The following PDE4B variants were observed in gnomAD, a reference collection of about 807,000 sequenced individuals.
PDE4B encodes 3',5'-cyclic-AMP phosphodiesterase 4B.
In PDE4B, 20 loss-of-function variants were observed where a neutral mutation model predicts 82.2. The ratio of observed to expected loss-of-function variants is 0.24; its 90% confidence interval spans 0.17 to 0.35. The LOEUF (loss-of-function observed/expected upper bound fraction) is 0.35, where lower values mean the gene tolerates loss of function less well. PDE4B is among the 10% of genes least tolerant of loss of function. The pLI, the probability that PDE4B is intolerant of heterozygous loss-of-function variation, is 1.00. For synonymous variants in PDE4B, 320 were observed against 318.9 expected (o/e 1.00, Z -0.04); for missense variants, 655 against 907.2 (o/e 0.72, Z 3.57).
chr1:66,283,299 A>G (rs1005942487), intron 7 of PDE4B, among the ~76,000 whole-genome samples: 4 of 151,976 alleles, frequency 2.6e-5, no homozygotes, highest in Non-Finnish European at 5.9e-5. Context: ...AACATTTAAA[A>G]TAGTGCCAAT....
chr1:66,144,325 A>G (rs1346507323), intron 3 of PDE4B, among the ~76,000 whole-genome samples: 1 of 152,242 alleles, frequency 6.6e-6, no homozygotes, highest in Non-Finnish European at 1.5e-5. Context: ...ACAAAAAGGT[A>G]TATGATGAGA....
intron 8 of PDE4B, among the ~76,000 whole-genome samples, chr1:66,338,842 C>T (rs929167259): frequency 5.3e-5 from 8 of 150,880 alleles, no homozygotes; most frequent in Middle Eastern, 3.2e-3. Flanking sequence ...AACGGTGAAA[C>T]CCCGTCTCTA....
intron 3 of PDE4B, among the ~76,000 whole-genome samples, chr1:66,147,770 G>T (rs913246463): frequency 2.0e-5 from 3 of 152,186 alleles, no homozygotes; most frequent in Non-Finnish European, 2.9e-5. Context: ...CTCAGGAAGA[G>T]AAACTAGAGT....
At chr1:66,275,531 T>TA (rs1217069241) in intron 7 of PDE4B, among the ~76,000 whole-genome samples, 4 of 152,026 alleles carry the variant, frequency 2.6e-5, no homozygotes, top group Non-Finnish European at 5.9e-5. Flanking sequence ...GGGAGGGAGA[T>TA]AAAAAAGGAG....
intron 1 of PDE4B, among the ~76,000 whole-genome samples, chr1:65,820,742 A>G (rs774572136): frequency 6.6e-6 from 1 of 152,186 alleles, no homozygotes; most frequent in African/African-American, 2.4e-5. Context: ...TTGACATTTT[A>G]TTTAATAAAT....
intron 3 of PDE4B, among the ~76,000 whole-genome samples, chr1:66,050,933 AG>A (rs1654991838): frequency 6.6e-6 from 1 of 152,172 alleles, no homozygotes; most frequent in Non-Finnish European, 1.5e-5. Context: ...CTACACAGGA[AG>A]GACTGAATTA....
At chr1:66,186,391 T>C (rs991869940) in intron 3 of PDE4B, among the ~76,000 whole-genome samples, 1 of 152,322 alleles carries the variant, frequency 6.6e-6, no homozygotes, top group African/African-American at 2.4e-5. Context: ...GGTAACTTGA[T>C]GGAGATAGCA....
At chr1:65,847,459 G>T (rs1646279747) in intron 1 of PDE4B, among the ~76,000 whole-genome samples, 1 of 152,214 alleles carries the variant, frequency 6.6e-6, no homozygotes, top group Non-Finnish European at 1.5e-5. Flanking sequence ...TGAGCAGATT[G>T]GATGGCTGTG....
chr1:66,058,905 T>C (rs1400338621), intron 3 of PDE4B, among the ~76,000 whole-genome samples: 1 of 152,258 alleles, frequency 6.6e-6, no homozygotes. Context: ...CACAAATTTT[T>C]GTAGCTGGCT....
At chr1:65,795,659 G>A (rs1362888692) in intron 1 of PDE4B, among the ~76,000 whole-genome samples, 2 of 152,188 alleles carry the variant, frequency 1.3e-5, no homozygotes, top group East Asian at 3.8e-4. Flanking sequence ...GATCCATGTG[G>A]GAGTATAAAG....
At chr1:65,985,505 G>A (rs927167053) in intron 3 of PDE4B, among the ~76,000 whole-genome samples, 1 of 151,968 alleles carries the variant, frequency 6.6e-6, no homozygotes, top group Middle Eastern at 3.2e-3. Flanking sequence ...AGAGAAAGAG[G>A]TTTTCCCAAA....
At chr1:65,923,435 T>C (rs1647323688) in intron 3 of PDE4B, among the ~76,000 whole-genome samples, 1 of 152,228 alleles carries the variant, frequency 6.6e-6, no homozygotes. Context: ...TTTTTGTGTA[T>C]TTTAGTTATT....
intron 3 of PDE4B, among the ~76,000 whole-genome samples, chr1:66,055,044 A>T (rs966065885): frequency 1.3e-5 from 2 of 152,192 alleles, no homozygotes; most frequent in African/African-American, 4.8e-5. Context: ...GATTTAGATG[A>T]GCATCAGTAA....
chr1:66,196,806 T>C (rs569014298), intron 3 of PDE4B, among the ~76,000 whole-genome samples: 25 of 52,434 alleles, frequency 4.8e-4, no homozygotes, highest in African/African-American at 2.0e-3. Context: ...CTGGGGACTG[T>C]GGTGGGGTGG....
chr1:66,259,578 T>C (rs1410373314), intron 6 of PDE4B, among the ~76,000 whole-genome samples: 3 of 152,170 alleles, frequency 2.0e-5, no homozygotes, highest in Non-Finnish European at 1.5e-5. Flanking sequence ...TCACCAAACC[T>C]GGCTGAGTGG....
At chr1:65,956,940 T>A (rs1236789816) in intron 3 of PDE4B, among the ~76,000 whole-genome samples, 1 of 152,124 alleles carries the variant, frequency 6.6e-6, no homozygotes, top group African/African-American at 2.4e-5. Context: ...AGACTTAATT[T>A]TTGCCAATCT....
At chr1:66,224,395 G>A (rs1383298519) in intron 3 of PDE4B, among the ~76,000 whole-genome samples, 1 of 152,120 alleles carries the variant, frequency 6.6e-6, no homozygotes, top group East Asian at 1.9e-4. Context: ...CCCAGAATTG[G>A]CTCAAGTGCA....
chr1:66,228,882 C>A (rs948396331), intron 3 of PDE4B, among the ~76,000 whole-genome samples: 2 of 140,772 alleles, frequency 1.4e-5, no homozygotes, highest in African/African-American at 4.9e-5. Flanking sequence ...ATAAAGAGTT[C>A]TCCTATGTTG....
Position 66,240,067 on chromosome 1 carries a change from C to T in PDE4B, c.282-7393C>T, listed in dbSNP as rs186099926. On this transcript the variant is annotated intron_variant, in intron 3 of 16. Coordinates refer to ENST00000341517, the MANE Select transcript of PDE4B (RefSeq NM_002600.4). ...CTGTGGAAGGCATTCTAGCCCCTCCCTGCAGGTGGTATTTGGTAGCACATC... is the reference window on the plus strand; with the variant it reads ...CTGTGGAAGGCATTCTAGCCCCTCCTTGCAGGTGGTATTTGGTAGCACATC... 9.8e-5 allele frequency among the ~76,000 whole-genome samples: 15 copies of T among 152,336 alleles called. No homozygotes were observed. In the East Asian group the frequency reaches 1.9e-3, roughly 20 times the overall value.
Sources: allele counts gnomAD v4.1 joint callset (sites outside exome capture counted in the v4.1 genomes callset), GRCh38; gene constraint gnomAD v4.1.1; transcripts MANE v1.5; gene names NCBI Gene and HGNC (gene_info 2026-07-23, HGNC 2026-07-21).